SLC35A1: variants seen among roughly 807,000 people sequenced by gnomAD.
SLC35A1 encodes CMP-sialic acid transporter.
SLC35A1 carries 21 observed loss-of-function variants against 40.3 expected under a neutral mutation model. The ratio of observed to expected loss-of-function variants is 0.52; its 90% confidence interval spans 0.37 to 0.75. The LOEUF (loss-of-function observed/expected upper bound fraction) is 0.75. Ranked by LOEUF, SLC35A1 falls within the 30% of genes least tolerant of loss-of-function variation. SLC35A1 has a pLI of 0.00. For synonymous variants in SLC35A1, 146 were observed against 147.3 expected (o/e 0.99, Z 0.06); for missense variants, 297 against 382.1 (o/e 0.78, Z 1.86).
chr6:87,473,063 G>C, intron 1 of SLC35A1, 44 bp downstream of exon 1: 1 of 482,800 alleles, frequency 2.1e-6, no homozygotes. Context: ...GCGGGGGGCG[G>C]CGGCGGGCGA....
chr6:87,473,977 G>A (rs374390258), intron 1 of SLC35A1, among the ~76,000 whole-genome samples: 1 of 152,240 alleles, frequency 6.6e-6, no homozygotes. Flanking sequence ...CTGCCCAGGG[G>A]CATTGTCTTT....
chr6:87,509,504 T>C (rs545157084), intron 7 of SLC35A1, among the ~76,000 whole-genome samples: 9 of 152,320 alleles, frequency 5.9e-5, no homozygotes, highest in African/African-American at 2.2e-4. Context: ...GAGAAGGTAC[T>C]CAAGGAAATA....
intron 4 of SLC35A1, 146 bp downstream of exon 4, chr6:87,501,456 T>A: frequency 2.6e-6 from 2 of 777,528 alleles, no homozygotes; most frequent in Non-Finnish European, 2.2e-6. Flanking sequence ...CTTTTTTCTT[T>A]AGCATATTAT....
At chr6:87,487,227 A>T (rs1769416527) in intron 2 of SLC35A1, among the ~76,000 whole-genome samples, 1 of 152,212 alleles carries the variant, frequency 6.6e-6, no homozygotes, top group Non-Finnish European at 1.5e-5. Context: ...TGAGGGACTA[A>T]CATAGAACCC....
chr6:87,473,976 G>A (rs1768995905), intron 1 of SLC35A1, among the ~76,000 whole-genome samples: 1 of 152,212 alleles, frequency 6.6e-6, no homozygotes, highest in Non-Finnish European at 1.5e-5. Flanking sequence ...CCTGCCCAGG[G>A]GCATTGTCTT....
rs189860204 is a variant in SLC35A1 at position 87,477,557 on chromosome 6, T to G, written c.194+18T>G. 1 of 1,579,732 alleles carries G rather than the reference T, an allele frequency of 6.3e-7. No individual in the cohort carries two copies. The highest frequency in any genetic ancestry group is 1.3e-5 in the African/African-American group (1 of 74,266). On this transcript the variant is annotated intron_variant, in intron 2 of 7. Coordinates refer to ENST00000369552, the MANE Select transcript of SLC35A1 (RefSeq NM_006416.5). ...TTAGCTAAGTGAGTATAAATACTTA[T>G]AGTGTGTTAAATTATTTTTCTACCT...
At chr6:87,506,306 G>T in intron 4 of SLC35A1, 76 bp from the exon 5 acceptor site, 2 of 1,131,330 alleles carry the variant, frequency 1.8e-6, no homozygotes, top group East Asian at 2.4e-5. Context: ...ACAGGTTTTT[G>T]TATTTATTTG....
At chr6:87,486,029 A>G (rs991735993) in intron 2 of SLC35A1, among the ~76,000 whole-genome samples, 31 of 152,218 alleles carry the variant, frequency 2.0e-4, no homozygotes, top group African/African-American at 5.5e-4. Context: ...ATAAAGTACA[A>G]TAACTTTATA....
chr6:87,490,968 G>A (rs1562021585), intron 2 of SLC35A1, among the ~76,000 whole-genome samples: 1 of 152,158 alleles, frequency 6.6e-6, no homozygotes, highest in Non-Finnish European at 1.5e-5. Context: ...TGTTGCTATT[G>A]AGAATGGCAG....
intron 6 of SLC35A1, 165 bp downstream of exon 6, chr6:87,508,761 A>C: frequency 1.3e-6 from 1 of 791,998 alleles, no homozygotes; most frequent in Non-Finnish European, 2.0e-6. Context: ...TTGTGAAGGC[A>C]AAATTGCTTT....
intron 1 of SLC35A1, 46 bp downstream of exon 1, chr6:87,473,065 G>A: frequency 2.1e-6 from 1 of 474,922 alleles, no homozygotes; most frequent in Non-Finnish European, 3.6e-6. Context: ...GGGGGGCGGC[G>A]GCGGGCGAGC....
At chr6:87,505,784 C>A (rs1770061155) in intron 4 of SLC35A1, among the ~76,000 whole-genome samples, 1 of 152,192 alleles carries the variant, frequency 6.6e-6, no homozygotes, top group Non-Finnish European at 1.5e-5. Context: ...GAGGACAGAG[C>A]CTTCATGACC....
rs1290790380 is a variant in SLC35A1 at position 87,508,606 on chromosome 6, CAGGAATTAAAGGTTCTTAGT to C, written c.751+13_751+32del. The C allele has an allele frequency of 8.7e-6, 14 of 1,606,474 alleles. No individual in the cohort carries two copies. Among genetic ancestry groups the C allele is most frequent in the Non-Finnish European group, 1.2e-5 (14 of 1,175,248 alleles). ...GTCTGGTTTGTCATCTGTAAGTATC[CAGGAATTAAAGGTTCTTAGT>C]AGATCCTTTATTTTTTTTTTAAGTT... is the stretch of plus-strand genomic sequence containing the variant. On this transcript the variant is annotated intron_variant, in intron 6 of 7. Coordinates refer to ENST00000369552, the MANE Select transcript of SLC35A1 (RefSeq NM_006416.5).
intron 2 of SLC35A1, among the ~76,000 whole-genome samples, chr6:87,489,301 G>C (rs1769475256): frequency 6.6e-6 from 1 of 152,062 alleles, no homozygotes; most frequent in Non-Finnish European, 1.5e-5. Context: ...CCTCATGAAT[G>C]GTTTGGTACT....
intron 2 of SLC35A1, among the ~76,000 whole-genome samples, chr6:87,489,677 G>A (rs1246054268): frequency 1.3e-5 from 2 of 151,626 alleles, no homozygotes; most frequent in African/African-American, 2.4e-5. Flanking sequence ...GACTAGCTGG[G>A]ACTACAGGCA....
intron 2 of SLC35A1, among the ~76,000 whole-genome samples, chr6:87,497,690 A>G (rs186708220): frequency 1.4e-4 from 22 of 152,184 alleles, no homozygotes; most frequent in African/African-American, 5.1e-4. Context: ...GAGAGTCAAA[A>G]GGTCGTTTGT....
At chr6:87,510,756 G>A (rs987031259) in intron 7 of SLC35A1, among the ~76,000 whole-genome samples, 5 of 151,800 alleles carry the variant, frequency 3.3e-5, no homozygotes, top group South Asian at 2.1e-4. Flanking sequence ...TGCTCCTCCC[G>A]GCTACTCGAG....
intron 2 of SLC35A1, among the ~76,000 whole-genome samples, chr6:87,480,300 A>G (rs772645386): frequency 7.2e-5 from 11 of 152,224 alleles, no homozygotes; most frequent in Non-Finnish European, 1.2e-4. Flanking sequence ...TTGTTATTCC[A>G]GGCAGTAGAA....
At position 87,477,166 on chromosome 6, in the gene SLC35A1, G is replaced by GGTGTGTGTGTGT. The variant is rs71018020; in HGVS notation, c.17-182_17-171dup. On this transcript the variant is annotated intron_variant, in intron 1 of 7. Transcript: ENST00000369552. ...TTGGCTGATGTTTAAAGTCAGCTGT[G>GGTGTGTGTGTGT]GTGTGTGTGTGTGTGTGTGTGTGTG... Among the ~76,000 whole-genome samples, 203 of 149,874 alleles carry GGTGTGTGTGTGT rather than the reference G, an allele frequency of 1.4e-3. 2 individuals are homozygous for GGTGTGTGTGTGT. The highest frequency in any genetic ancestry group is 4.4e-3 in the African/African-American group (181 of 40,854).
Sources: gnomAD v4.1 joint callset for allele counts (sites outside exome capture counted in the v4.1 genomes callset) on GRCh38, gnomAD v4.1.1 for gene constraint, MANE v1.5 for transcripts, NCBI Gene and HGNC (gene_info 2026-07-23, HGNC 2026-07-21) for gene names.